Variants in BCAS3 observed in about 807,000 individuals in gnomAD.
BCAS3 encodes BCAS3 microtubule associated cell migration factor, also known as BCAS4/BCAS3 fusion.
BCAS3 carries 53 observed loss-of-function variants against 116.1 expected under a neutral mutation model. That is an observed-to-expected ratio of 0.46 (90% CI 0.37 to 0.57). BCAS3 has a LOEUF of 0.57. Ranked by LOEUF, BCAS3 falls within the 20% of genes least tolerant of loss-of-function variation. BCAS3 has a pLI of 0.00. For missense variants in BCAS3, 917 were observed against 1,165.4 expected, an observed-to-expected ratio of 0.79 and a Z score of 3.10; for synonymous variants, 391 against 408.2, an observed-to-expected ratio of 0.96 and a Z score of 0.51.
In BCAS3 at chr17:61,300,026, C is replaced by G. The variant is rs895663936; in HGVS notation, c.2426-68301C>G. Among the ~76,000 whole-genome samples the G allele has an allele frequency of 2.6e-5, 4 of 152,152 alleles. No homozygotes were observed. Among genetic ancestry groups the G allele is most frequent in the Non-Finnish European group, 5.9e-5 (4 of 68,018 alleles). ...TTCATTCATCTGGTATCCAGATGATCTCCCTTGATTCTGACAGTTTTGACA... is the reference window on the plus strand; with the variant it reads ...TTCATTCATCTGGTATCCAGATGATGTCCCTTGATTCTGACAGTTTTGACA... On this transcript the variant is annotated intron_variant, in intron 22 of 23. Transcript: ENST00000407086. The surrounding 1 kb of genome is among the most constrained non-coding windows in gnomAD (Gnocchi z 5.1).
Position 61,249,079 on chromosome 17 carries a change from A to C in BCAS3, c.2426-119248A>C, listed in dbSNP as rs1025949703. Among the ~76,000 whole-genome samples the C allele has an allele frequency of 4.6e-5, 7 of 152,130 alleles. No individual in the cohort carries two copies. The highest frequency in any genetic ancestry group is 1.7e-4 in the African/African-American group (7 of 41,434). ...GGCAGGTAGATCCCCTGAGGTGAGG[A>C]GTTTGAGACCAGCCTGGCCAACATG... On this transcript the variant is annotated intron_variant, in intron 22 of 23. Transcript: ENST00000407086. This position sits in a 1 kb window ranked among gnomAD's most constrained non-coding sequence, Gnocchi z 6.2.
In BCAS3 at chr17:60,966,808, A is replaced by T. The variant is rs184826171; in HGVS notation, c.1221+19456A>T. Among the ~76,000 whole-genome samples the T allele has an allele frequency of 1.5e-4, 23 of 151,900 alleles. 1 individual carries two copies. The East Asian group carries it at 4.5e-3, about 29-fold the overall frequency. ...GCTGGGATTACAGACATGTGCCACCATGTCCAGCTAATTTTTTTGTGTTTT... is the reference window on the plus strand; with the variant it reads ...GCTGGGATTACAGACATGTGCCACCTTGTCCAGCTAATTTTTTTGTGTTTT... On this transcript the variant is annotated intron_variant, in intron 14 of 23. Transcript: ENST00000407086.
At chr17:61,058,725 A>G (rs181435001) in intron 19 of BCAS3, among the ~76,000 whole-genome samples, 1 of 152,318 alleles carries the variant, frequency 6.6e-6, no homozygotes, top group African/African-American at 2.4e-5. Context: ...TGATCACAGT[A>G]TAGGTATCTC....
At position 60,868,260 on chromosome 17, in the gene BCAS3, C is replaced by T. The variant is rs529692457; in HGVS notation, c.477-316C>T. Among the ~76,000 whole-genome samples, 455 of 151,994 alleles carry T rather than the reference C, an allele frequency of 3.0e-3. 5 individuals are homozygous for T. The highest frequency in any genetic ancestry group is 0.01 in the African/African-American group (431 of 41,468). On this transcript the variant is annotated intron_variant, in intron 7 of 23. Coordinates refer to ENST00000407086, the MANE Select transcript of BCAS3 (RefSeq NM_017679.5). ...CAGGCTGGTCTCAAACTCCTGACCTCGTGATCCACCTGCCTCGGCCTCCCA... is the reference window on the plus strand; with the variant it reads ...CAGGCTGGTCTCAAACTCCTGACCTTGTGATCCACCTGCCTCGGCCTCCCA...
At chr17:60,767,865 A>G (rs145417377) in intron 6 of BCAS3, among the ~76,000 whole-genome samples, 1 of 152,168 alleles carries the variant, frequency 6.6e-6, no homozygotes, top group African/African-American at 2.4e-5. Flanking sequence ...CAGTGGCGTG[A>G]TCATGGCTCA....
intron 15 of BCAS3, among the ~76,000 whole-genome samples, chr17:61,001,128 G>A (rs2064208126): frequency 6.6e-6 from 1 of 152,106 alleles, no homozygotes; most frequent in Non-Finnish European, 1.5e-5. Context: ...TCATCTTTGA[G>A]TCACAGCTTT....
In BCAS3 at chr17:61,181,001, T is replaced by C. The variant is rs2079447292; in HGVS notation, c.2425+96437T>C. On this transcript the variant is annotated intron_variant, in intron 22 of 23. Coordinates refer to ENST00000407086, the MANE Select transcript of BCAS3 (RefSeq NM_017679.5). This position sits in a 1 kb window ranked among gnomAD's most constrained non-coding sequence, Gnocchi z 5.0. ...GGGAGGCTGGGGTGGGGGGATCACT[T>C]GAGCCCAAGAGTTCGAGACCAGCCT... is the stretch of plus-strand genomic sequence containing the variant. Among the ~76,000 whole-genome samples the C allele has an allele frequency of 6.6e-6, 1 of 152,052 alleles. No homozygotes were observed. The highest frequency in any genetic ancestry group is 2.1e-4 in the South Asian group (1 of 4,816).
chr17:60,773,010 G>A (rs546451260), intron 6 of BCAS3, among the ~76,000 whole-genome samples: 2 of 152,322 alleles, frequency 1.3e-5, no homozygotes, highest in African/African-American at 4.8e-5. Flanking sequence ...TATGGTAAAA[G>A]TATGTTTAGT....
intron 22 of BCAS3, among the ~76,000 whole-genome samples, chr17:61,247,812 G>A (rs1004458429): frequency 6.6e-6 from 1 of 152,140 alleles, no homozygotes; most frequent in East Asian, 1.9e-4. Flanking sequence ...TCAGGCCCCC[G>A]CCTCTAGGTT....
intron 14 of BCAS3, among the ~76,000 whole-genome samples, chr17:60,975,002 T>G (rs1049692750): frequency 1.3e-5 from 2 of 149,622 alleles, no homozygotes; most frequent in African/African-American, 5.0e-5. Context: ...CTTTTTTGTT[T>G]TTTTTTTTTT....
rs2045685728 is a variant in BCAS3, at chr17:60,780,201, G to GTTT, written c.404-27803_404-27802insTTT. Among the ~76,000 whole-genome samples the GTTT allele has an allele frequency of 8.6e-5, 13 of 151,402 alleles. No homozygotes were observed. The South Asian group carries it at 1.0e-3, about 12-fold the overall frequency. On this transcript the variant is annotated intron_variant, in intron 6 of 23. Coordinates refer to ENST00000407086, the MANE Select transcript of BCAS3 (RefSeq NM_017679.5). ...AGACAGGTTTCACTATATTGGCCAA[G>GTTT]CTGGTCTCAAACTCCTGACCTTGTG...
At chr17:61,334,664 C>CA (rs35400660) in intron 22 of BCAS3, among the ~76,000 whole-genome samples, 4,121 of 50,336 alleles carry the variant, frequency 0.082, 166 homozygotes, top group Non-Finnish European at 0.094. Flanking sequence ...AACTCCATCT[C>CA]AAAAAAAAAA....
chr17:61,136,682 C>T lies in BCAS3; in HGVS notation c.2425+52118C>T, dbSNP rs2076659772. Among the ~76,000 whole-genome samples the T allele has an allele frequency of 6.6e-6, 1 of 152,184 alleles. No homozygotes were observed. The highest frequency in any genetic ancestry group is 1.5e-5 in the Non-Finnish European group (1 of 68,032). On this transcript the variant is annotated intron_variant, in intron 22 of 23. Transcript: ENST00000407086. The surrounding 1 kb of genome is among the most constrained non-coding windows in gnomAD (Gnocchi z 4.4). ...TCAAGCAATTCTTATACCTCAGCCT[C>T]CTGAGTAGCTGGGATTACAGGTGTG...
chr17:60,757,624 T>G (rs1598491715), intron 6 of BCAS3, among the ~76,000 whole-genome samples: 1 of 152,122 alleles, frequency 6.6e-6, no homozygotes, highest in East Asian at 1.9e-4. Context: ...AAAAAATTGT[T>G]GAATTTTTTG....
At chr17:61,046,271 A>G (rs947498283) in intron 19 of BCAS3, among the ~76,000 whole-genome samples, 1 of 145,672 alleles carries the variant, frequency 6.9e-6, no homozygotes, top group African/African-American at 2.5e-5. Flanking sequence ...TATACCTTTT[A>G]AAACACAAAT....
rs925206694 is a variant in BCAS3 at position 61,007,256 on chromosome 17, T to G, written c.1487-8495T>G. ...GATTTCATCTCCTTTTCTAGGGAAT[T>G]TTTGCCTCCTAAGTTTTCAATATTC... On this transcript the variant is annotated intron_variant, in intron 15 of 23. Coordinates refer to ENST00000407086, the MANE Select transcript of BCAS3 (RefSeq NM_017679.5). This position sits in a 1 kb window ranked among gnomAD's most constrained non-coding sequence, Gnocchi z 4.3. Among the ~76,000 whole-genome samples the G allele has an allele frequency of 6.6e-6, 1 of 152,046 alleles. No homozygotes were observed.
chr17:60,977,624 G>A (rs1268062461), intron 14 of BCAS3, among the ~76,000 whole-genome samples: 3 of 151,318 alleles, frequency 2.0e-5, no homozygotes, highest in South Asian at 2.1e-4. Context: ...CTAGCATTAG[G>A]TATATCTCCC....
rs571258244 is a variant in BCAS3 at position 61,136,621 on chromosome 17, G to A, written c.2425+52057G>A. 1.3e-5 allele frequency among the ~76,000 whole-genome samples: 2 copies of A among 152,216 alleles called. No individual in the cohort carries two copies. Among genetic ancestry groups the A allele is most frequent in the African/African-American group, 4.8e-5 (2 of 41,534 alleles). On this transcript the variant is annotated intron_variant, in intron 22 of 23. Transcript: ENST00000407086. The surrounding 1 kb of genome is among the most constrained non-coding windows in gnomAD (Gnocchi z 4.4). ...GTCGCCCAGGCTGGAGTGCAGTAGC[G>A]CGATCTCAGCTCACTGCAACCTCTG...
intron 22 of BCAS3, among the ~76,000 whole-genome samples, chr17:61,273,730 TC>T (rs1217284403): frequency 2.0e-5 from 3 of 149,358 alleles, no homozygotes; most frequent in Non-Finnish European, 4.5e-5. Flanking sequence ...GTGGCTCTGT[TC>T]TTTTTTTTTT....
Sources: allele counts gnomAD v4.1 joint callset (sites outside exome capture counted in the v4.1 genomes callset), GRCh38; gene constraint gnomAD v4.1.1; non-coding constraint Gnocchi (gnomAD v3.1); transcripts MANE v1.5; gene names NCBI Gene and HGNC (gene_info 2026-07-23, HGNC 2026-07-21).